The following SETBP1 variants were observed in gnomAD, a reference collection of about 807,000 sequenced individuals.
SETBP1 encodes SET-binding protein.
Under a neutral mutation model 101.0 loss-of-function variants are expected in SETBP1, and 9 were observed. The observed-to-expected ratio is 0.09, with a 90% CI of 0.05 to 0.16. The LOEUF is 0.16. Ranked by LOEUF, SETBP1 falls within the 10% of genes least tolerant of loss-of-function variation. The pLI, the probability that SETBP1 is intolerant of heterozygous loss-of-function variation, is 1.00. For missense variants in SETBP1, 1,858 were observed against 2,033.8 expected (o/e 0.91, Z 1.66); for synonymous variants, 818 against 788.5 (o/e 1.04, Z -0.63).
intron 2 of SETBP1, among the ~76,000 whole-genome samples, chr18:44,841,232 G>A (rs1307221364): frequency 6.6e-6 from 1 of 152,108 alleles, no homozygotes; most frequent in African/African-American, 2.4e-5. Context: ...TTTCCAGGGT[G>A]GCTCATTCAC....
chr18:44,906,726 GT>G (rs1181511025), intron 3 of SETBP1, among the ~76,000 whole-genome samples: 1 of 152,118 alleles, frequency 6.6e-6, no homozygotes, highest in East Asian at 1.9e-4. Context: ...GAAATCAAAG[GT>G]GGGGATATAA....
chr18:44,782,985 G>T (rs780176745), intron 2 of SETBP1, among the ~76,000 whole-genome samples: 29 of 152,114 alleles, frequency 1.9e-4, no homozygotes, highest in Non-Finnish European at 2.2e-4. Flanking sequence ...ACTGGAAGAG[G>T]CTTAGTAAAC....
intron 4 of SETBP1, among the ~76,000 whole-genome samples, chr18:44,978,381 A>G (rs1308351846): frequency 6.6e-6 from 1 of 152,196 alleles, no homozygotes; most frequent in Non-Finnish European, 1.5e-5. Context: ...GGGGGAAACC[A>G]TAACATTTTA....
chr18:44,898,866 T>C (rs1198872074), intron 3 of SETBP1, among the ~76,000 whole-genome samples: 1 of 152,246 alleles, frequency 6.6e-6, no homozygotes, highest in Non-Finnish European at 1.5e-5. Context: ...TCAGAGAATA[T>C]AGTGATCAAA....
intron 2 of SETBP1, among the ~76,000 whole-genome samples, chr18:44,707,839 T>A (rs963826455): frequency 3.3e-5 from 5 of 152,128 alleles, no homozygotes; most frequent in African/African-American, 1.2e-4. Flanking sequence ...AAGGAACGGT[T>A]GCAGGGGTGC....
At chr18:44,835,257 C>G (rs975346302) in intron 2 of SETBP1, among the ~76,000 whole-genome samples, 1 of 152,114 alleles carries the variant, frequency 6.6e-6, no homozygotes, top group African/African-American at 2.4e-5. Context: ...CTCTACAGCT[C>G]TTGCATCTCG....
chr18:44,727,412 G>A lies in SETBP1; in HGVS notation c.486+25580G>A, dbSNP rs1011304635. Among the ~76,000 whole-genome samples, 13 of 152,210 alleles carry A rather than the reference G, an allele frequency of 8.5e-5. No individual in the cohort carries two copies. In the East Asian group the frequency reaches 1.9e-3, roughly 23 times the overall value. ...CTATCTTCCTGTGGTTCACAAAGACGCATTCAGATGACATTCTAAACTTGC... is the reference window on the plus strand; with the variant it reads ...CTATCTTCCTGTGGTTCACAAAGACACATTCAGATGACATTCTAAACTTGC... On this transcript the variant is annotated intron_variant, in intron 2 of 5. Transcript: ENST00000649279.
chr18:45,063,509 G>A lies in SETBP1; in HGVS notation c.4602G>A (p.Pro1534=), dbSNP rs1440179807. The change falls in exon 6 of 6, where the codon CCG becomes CCA. Residue 1534 remains proline, a synonymous_variant. Coordinates refer to ENST00000649279, the MANE Select transcript of SETBP1 (RefSeq NM_015559.3). ...PPPPPPLPPP[P]PPPLPPPPPL... is the part of the protein sequence containing the mutation. Reference sequence around the variant, plus strand: ...CGCCGCCGCCCCTGCCGCCACCGCCGCCACCACCCCTGCCCCCGCCACCCC... The same window carrying A: ...CGCCGCCGCCCCTGCCGCCACCGCCACCACCACCCCTGCCCCCGCCACCCC... 1.7e-5 allele frequency: 17 copies of A among 991,034 alleles called. No individual in the cohort carries two copies. Among genetic ancestry groups the A allele is most frequent in the African/African-American group, 2.7e-5 (1 of 37,086 alleles). 61.4% of individuals were successfully genotyped at this position (991,034 alleles called of 1,614,324 possible). A position where few individuals can be genotyped will look rare whatever the true frequency, so the allele number is the denominator to read the frequency against.
intron 3 of SETBP1, among the ~76,000 whole-genome samples, chr18:44,876,399 T>G (rs2069404290): frequency 1.3e-5 from 2 of 152,128 alleles, no homozygotes. Context: ...CCAGAAAAGT[T>G]GCCATTCCCA....
intron 4 of SETBP1, 79 bp downstream of exon 4, chr18:44,953,419 C>T (rs1384926236): frequency 3.1e-6 from 4 of 1,281,218 alleles, no homozygotes; most frequent in African/African-American, 2.9e-5. Flanking sequence ...ATCTGTGGCA[C>T]ATTGTGTTCA....
chr18:44,811,243 G>A (rs774677336), intron 2 of SETBP1, among the ~76,000 whole-genome samples: 3 of 152,100 alleles, frequency 2.0e-5, no homozygotes, highest in East Asian at 1.9e-4. Context: ...AACATTTTCC[G>A]GGCTGCAACC....
chr18:44,768,469 C>A (rs983403158), intron 2 of SETBP1, among the ~76,000 whole-genome samples: 2 of 152,054 alleles, frequency 1.3e-5, no homozygotes, highest in Non-Finnish European at 2.9e-5. Context: ...TTTCAGATTT[C>A]TTTATTCAGT....
chr18:44,857,484 G>A (rs1273266387), intron 2 of SETBP1, among the ~76,000 whole-genome samples: 2 of 152,172 alleles, frequency 1.3e-5, no homozygotes, highest in African/African-American at 4.8e-5. Context: ...CTTGCTCAAG[G>A]TTGCACTTTT....
chr18:45,037,450 G>A (rs1276592786), intron 4 of SETBP1, among the ~76,000 whole-genome samples: 3 of 152,158 alleles, frequency 2.0e-5, no homozygotes, highest in East Asian at 3.8e-4. Flanking sequence ...TTTATAGCAC[G>A]GAGTATGCAC....
intron 5 of SETBP1, among the ~76,000 whole-genome samples, chr18:45,048,097 C>T (rs993558022): frequency 1.3e-5 from 2 of 152,192 alleles, no homozygotes; most frequent in South Asian, 2.1e-4. Context: ...GAAACTTGGA[C>T]TCTTTCTGGC....
At chr18:44,886,039 T>C (rs371864735) in intron 3 of SETBP1, among the ~76,000 whole-genome samples, 20 of 152,086 alleles carry the variant, frequency 1.3e-4, no homozygotes, top group African/African-American at 4.6e-4. Context: ...CTGCAACATA[T>C]AGTCGGATGG....
At chr18:45,013,803 T>C (rs2072889102) in intron 4 of SETBP1, among the ~76,000 whole-genome samples, 1 of 152,100 alleles carries the variant, frequency 6.6e-6, no homozygotes, top group East Asian at 1.9e-4. Context: ...GCATCCCCAA[T>C]CCTGACATGA....
chr18:44,861,708 C>A (rs1001776648), intron 2 of SETBP1, among the ~76,000 whole-genome samples: 4 of 152,158 alleles, frequency 2.6e-5, no homozygotes, highest in African/African-American at 9.7e-5. Flanking sequence ...GTCTCTTGAG[C>A]CACTTTTGAC....
intron 3 of SETBP1, among the ~76,000 whole-genome samples, chr18:44,947,734 G>A (rs772130115): frequency 2.0e-5 from 3 of 152,102 alleles, no homozygotes; most frequent in East Asian, 1.9e-4. Flanking sequence ...TTGAACGCCC[G>A]ACCTCAGGTG....
Sources: gnomAD v4.1 joint callset for allele counts (sites outside exome capture counted in the v4.1 genomes callset) on GRCh38, gnomAD v4.1.1 for gene constraint, MANE v1.5 for transcripts, NCBI Gene and HGNC (gene_info 2026-07-23, HGNC 2026-07-21) for gene names.